The following ZNF169 variants were observed in gnomAD, a reference collection of about 807,000 sequenced individuals.
ZNF169 encodes the protein zinc finger protein 169.
A neutral mutation model predicts 12.0 loss-of-function variants in ZNF169; 11 were observed. The observed-to-expected ratio is 0.92, with a 90% confidence interval of 0.58 to 1.52. The LOEUF (loss-of-function observed/expected upper bound fraction) is 1.52, where lower values mean the gene tolerates loss of function less well. Ranked by LOEUF, ZNF169 falls within the 40% of genes most tolerant of loss-of-function variation. The pLI is 0.00. For missense variants in ZNF169, 722 were observed against 744.0 expected, an observed-to-expected ratio of 0.97 and a Z score of 0.34; for synonymous variants, 302 against 286.5, an observed-to-expected ratio of 1.05 and a Z score of -0.55.
At chr9:94,275,418 T>C (rs1428912325) in intron 1 of ZNF169, among the ~76,000 whole-genome samples, 1 of 152,218 alleles carries the variant, frequency 6.6e-6, no homozygotes, top group East Asian at 1.9e-4. Context: ...TGTGTACACC[T>C]ATAAAGGATA....
intron 2 of ZNF169, chr9:94,288,530 A>G (rs1048158903): frequency 3.1e-5 from 17 of 555,266 alleles, no homozygotes; most frequent in Non-Finnish European, 5.8e-5. Flanking sequence ...ACAGGATCTC[A>G]TATGTGAGTA....
At chr9:94,271,493 G>A (rs968528517) in intron 1 of ZNF169, among the ~76,000 whole-genome samples, 17 of 152,070 alleles carry the variant, frequency 1.1e-4, no homozygotes, top group African/African-American at 3.1e-4. Flanking sequence ...AGGCCGAGGC[G>A]GGCAGATCAC....
chr9:94,283,558 T>C (rs1264567707), intron 2 of ZNF169, among the ~76,000 whole-genome samples: 2 of 152,156 alleles, frequency 1.3e-5, no homozygotes, highest in African/African-American at 4.8e-5. Flanking sequence ...AATAAGCTGC[T>C]GCTTAGTGGT....
At chr9:94,290,752 C>A (rs1830811835) in intron 2 of ZNF169, among the ~76,000 whole-genome samples, 1 of 152,050 alleles carries the variant, frequency 6.6e-6, no homozygotes, top group African/African-American at 2.4e-5. Context: ...CTGTTTGAGT[C>A]CCTACTTTCA....
chr9:94,292,723 A>C (rs1830870512), intron 3 of ZNF169: 2 of 620,394 alleles, frequency 3.2e-6, no homozygotes, highest in South Asian at 2.0e-5. Flanking sequence ...TCCTCCTCTA[A>C]GGTTATCCTC....
chr9:94,300,915 A>C lies in ZNF169; in HGVS notation c.1357A>C (p.Thr453Pro), dbSNP rs964067738. 1 of 1,609,552 alleles carries C rather than the reference A, an allele frequency of 6.2e-7. No individual in the cohort carries two copies. The highest frequency in any genetic ancestry group is 1.7e-5 in the Admixed American group (1 of 59,648). ...VTLIGHQRTH[T>P]GEKPYLCPDC... ...CCTCATTGGACACCAGAGGACACAC[A>C]CAGGGGAGAAGCCCTACCTGTGCCC... The change falls in exon 5 of 5, where the codon ACA becomes CCA. Residue 453 changes from threonine (T) to proline (P), a missense_variant. Transcript: ENST00000395395.
intron 2 of ZNF169, among the ~76,000 whole-genome samples, chr9:94,286,021 AGTATAGCTTACT>A (rs1206933089): frequency 6.6e-6 from 1 of 152,094 alleles, no homozygotes; most frequent in Non-Finnish European, 1.5e-5. Context: ...CAAAAAAAAA[AGTATAGCTTACT>A]GTGCCTAAAG....
chr9:94,296,688 T>C (rs769374819), intron 4 of ZNF169: 233 of 452,914 alleles, frequency 5.1e-4, no homozygotes, highest in Admixed American at 2.5e-3. Flanking sequence ...GATAGGTCTA[T>C]ACCTGGACTC....
chr9:94,278,401 A>G (rs11793128), intron 1 of ZNF169, among the ~76,000 whole-genome samples: 56,808 of 151,998 alleles, frequency 0.37, 11,035 homozygotes, highest in Middle Eastern at 0.45. Flanking sequence ...CACAGTAAAT[A>G]TGGATGGGAT....
chr9:94,293,464 T>C (rs1164835700), intron 4 of ZNF169: 5 of 463,300 alleles, frequency 1.1e-5, no homozygotes, highest in Non-Finnish European at 1.9e-5. Context: ...TCACCCAGGC[T>C]GGAGTGCAAT....
At chr9:94,289,783 C>G (rs1304643994) in intron 2 of ZNF169, among the ~76,000 whole-genome samples, 1 of 151,816 alleles carries the variant, frequency 6.6e-6, no homozygotes, top group Non-Finnish European at 1.5e-5. Flanking sequence ...GAATGAGACT[C>G]TGTCTCAAAA....
intron 2 of ZNF169, among the ~76,000 whole-genome samples, chr9:94,291,812 A>G (rs962386403): frequency 7.2e-5 from 11 of 152,238 alleles, no homozygotes; most frequent in African/African-American, 1.9e-4. Flanking sequence ...TGTTGATGAA[A>G]GAAATCATAG....
chr9:94,264,917 T>C (rs533163628), intron 1 of ZNF169, among the ~76,000 whole-genome samples: 355 of 152,270 alleles, frequency 2.3e-3, no homozygotes, highest in Non-Finnish European at 3.4e-3. Flanking sequence ...TCTGTTGTTT[T>C]TGATTGTTAG....
Position 94,278,761 on chromosome 9 carries a change from T to G in ZNF169, c.-52T>G. On this transcript the variant is annotated 5_prime_UTR_variant, in exon 2 of 5. Coordinates refer to ENST00000395395, the MANE Select transcript of ZNF169 (RefSeq NM_194320.4). Reference sequence around the variant, plus strand: ...CACTTCTCATCTCTTTCCCCAGATTTGCCTCTGCAACTTGACTCTCCTCTA... The same window carrying G: ...CACTTCTCATCTCTTTCCCCAGATTGGCCTCTGCAACTTGACTCTCCTCTA... The G allele has an allele frequency of 3.8e-6, 6 of 1,585,456 alleles. No individual in the cohort carries two copies. Among genetic ancestry groups the G allele is most frequent in the Non-Finnish European group, 5.2e-6 (6 of 1,156,266 alleles).
In ZNF169 at chr9:94,300,372, A is replaced by G; in HGVS notation, c.814A>G (p.Ser272Gly). Residue 272 changes from serine to glycine, a missense_variant, in exon 5 of 5, where the codon AGC becomes GGC. Transcript: ENST00000395395. ...GTGTCCTGAGTGTGGGCGTCGGTTT[A>G]GCCAGAAGGCCTCCCTCTCCATACA... ...YLCPECGRRF[S>G]QKASLSIHQR... 1 of 1,611,926 alleles carries G rather than the reference A, an allele frequency of 6.2e-7. No individual in the cohort carries two copies. The highest frequency in any genetic ancestry group is 8.5e-7 in the Non-Finnish European group (1 of 1,179,274).
At position 94,300,526 on chromosome 9, in the gene ZNF169, G is replaced by A. The variant is rs1288968983; in HGVS notation, c.968G>A (p.Cys323Tyr). The A allele has an allele frequency of 1.2e-6, 2 of 1,614,236 alleles. No individual in the cohort carries two copies. Among genetic ancestry groups the A allele is most frequent in the East Asian group, 2.2e-5 (1 of 44,880 alleles). Residue 323 changes from cysteine to tyrosine, a missense_variant, in exon 5 of 5, where the codon TGT becomes TAT. By Grantham distance (194) the Cys-to-Tyr change is radical. Transcript: ENST00000395395. ...SGERPFVCQE[C>Y]GRGFRQKIAL... ...GAGAGGCCCTTTGTATGTCAGGAGT[G>A]TGGGCGAGGCTTTCGCCAGAAGATA...
intron 4 of ZNF169, among the ~76,000 whole-genome samples, chr9:94,296,576 G>A (rs1222922298): frequency 1.3e-5 from 2 of 152,110 alleles, no homozygotes; most frequent in African/African-American, 4.8e-5. Context: ...GGGAGGAAGG[G>A]CATACAAATA....
chr9:94,273,579 C>CTTTTTTTTT (rs56165942), intron 1 of ZNF169, among the ~76,000 whole-genome samples: 10 of 119,158 alleles, frequency 8.4e-5, no homozygotes, highest in Non-Finnish European at 1.5e-4. Context: ...TTCTTTCTTT[C>CTTTTTTTTT]TTTTTTTTTT....
intron 2 of ZNF169, among the ~76,000 whole-genome samples, chr9:94,279,796 A>G (rs1249111513): frequency 6.6e-6 from 1 of 152,162 alleles, no homozygotes; most frequent in African/African-American, 2.4e-5. Flanking sequence ...CTAACCTGCT[A>G]TTTCTGTGTG....
Sources: gnomAD v4.1 joint callset for allele counts (sites outside exome capture counted in the v4.1 genomes callset) on GRCh38, gnomAD v4.1.1 for gene constraint, MANE v1.5 for transcripts, NCBI Gene and HGNC (gene_info 2026-07-23, HGNC 2026-07-21) for gene names.